Variants in DCAF5 observed in about 807,000 individuals in gnomAD.
The protein encoded by DCAF5 is DDB1 and CUL4 associated factor 5, also known as DDB1- and CUL4-associated factor 5.
DCAF5 carries 9 observed loss-of-function variants against 80.7 expected under a neutral mutation model. That is an observed-to-expected ratio of 0.11 (90% CI 0.07 to 0.19). DCAF5 has a LOEUF of 0.19. DCAF5 is among the 10% of genes least tolerant of loss of function. DCAF5 has a pLI of 1.00. For synonymous variants in DCAF5, 433 were observed against 461.9 expected, an observed-to-expected ratio of 0.94 and a Z score of 0.80; for missense variants, 842 against 1,205.7, an observed-to-expected ratio of 0.70 and a Z score of 4.47.
Position 69,081,591 on chromosome 14 carries a change from G to A in DCAF5, c.880-6180C>T, listed in dbSNP as rs548265685. Among the ~76,000 whole-genome samples, 7 of 152,122 alleles carry A rather than the reference G, an allele frequency of 4.6e-5. No homozygotes were observed. The South Asian group carries it at 1.0e-3, about 23-fold the overall frequency. On this transcript the variant is annotated intron_variant, in intron 6 of 8. Coordinates refer to ENST00000341516, the MANE Select transcript of DCAF5 (RefSeq NM_003861.3). Reference sequence around the variant, plus strand: ...TCAGTGTGGAGATACTAACTTGCTCGAGCATAGGAAGAGATCAACAACTCT... The same window carrying A: ...TCAGTGTGGAGATACTAACTTGCTCAAGCATAGGAAGAGATCAACAACTCT...
intron 7 of DCAF5, among the ~76,000 whole-genome samples, chr14:69,071,350 G>A (rs1216718486): frequency 6.6e-6 from 1 of 152,148 alleles, no homozygotes; most frequent in Non-Finnish European, 1.5e-5. Context: ...CTGAGCAGGA[G>A]TGTGCAGAAG....
chr14:69,054,966 G>C lies in DCAF5; in HGVS notation c.1720C>G (p.Leu574Val), dbSNP rs2037900595. ...CAGGTAGAGGCTCGGCGTTCATTCAGCTCCTCCTCATCCTCAGAGCTGCTA... is the reference window on the plus strand; with the variant it reads ...CAGGTAGAGGCTCGGCGTTCATTCACCTCCTCCTCATCCTCAGAGCTGCTA... Reference protein sequence around the residue: ...SSSSSEDEEELNERRASTWQR... With the variant: ...SSSSSEDEEEVNERRASTWQR... Residue 574 changes from leucine (L) to valine (V), a missense_variant, in exon 9 of 9, where the codon CTG (leucine) becomes GTG (valine). Leu to Val is a conservative substitution (Grantham distance 32, BLOSUM62 1). Transcript: ENST00000341516. The C allele has an allele frequency of 6.2e-7, 1 of 1,614,128 alleles. No homozygotes were observed. The highest frequency in any genetic ancestry group is 1.1e-5 in the South Asian group (1 of 91,088).
At chr14:69,126,249 C>G (rs1277625353) in intron 1 of DCAF5, among the ~76,000 whole-genome samples, 1 of 151,418 alleles carries the variant, frequency 6.6e-6, no homozygotes, top group African/African-American at 2.4e-5. Context: ...CCTCTGCCTC[C>G]CGGGTTCAAG....
chr14:69,073,564 G>A (rs1297383807), intron 7 of DCAF5, among the ~76,000 whole-genome samples: 4 of 151,762 alleles, frequency 2.6e-5, no homozygotes, highest in Non-Finnish European at 5.9e-5. Flanking sequence ...AAGGTGGGAC[G>A]ATCACTTAAG....
rs552243777 is a variant in DCAF5, at chr14:69,090,211, C to A, written c.879+1463G>T. The A allele has an allele frequency of 1.2e-4, 75 of 634,616 alleles. No individual in the cohort carries two copies. In the African/African-American group the frequency reaches 1.4e-3, roughly 12 times the overall value. The allele number at this position is 634,616 out of a possible 1,614,324, so 39.3% of individuals were successfully genotyped here. Reference sequence around the variant, plus strand: ...GGAAGAGAGGGAGAGACTTGATTGTCATTTCCACAGCCAGACAAAGCTAAA... The same window carrying A: ...GGAAGAGAGGGAGAGACTTGATTGTAATTTCCACAGCCAGACAAAGCTAAA... On this transcript the variant is annotated intron_variant, in intron 6 of 8. Coordinates refer to ENST00000341516, the MANE Select transcript of DCAF5 (RefSeq NM_003861.3).
In DCAF5 at chr14:69,092,255, A is replaced by C. The variant is rs73278952; in HGVS notation, c.666-368T>G. Among the ~76,000 whole-genome samples the C allele has an allele frequency of 9.1e-3, 1,383 of 152,314 alleles. 22 individuals are homozygous for C. The highest frequency in any genetic ancestry group is 0.032 in the African/African-American group (1,313 of 41,562). ...TGAGAAGTGGGTTGTATCCACTCTA[A>C]CTGGGTAGTCATGGACAGTGTTTAA... On this transcript the variant is annotated intron_variant, in intron 5 of 8. Transcript: ENST00000341516.
intron 5 of DCAF5, among the ~76,000 whole-genome samples, chr14:69,097,513 T>A (rs1203101803): frequency 2.0e-5 from 3 of 151,950 alleles, no homozygotes; most frequent in African/African-American, 7.2e-5. Context: ...CTATTCTATA[T>A]TTTTTATTTA....
chr14:69,093,929 T>C (rs2039612857), intron 5 of DCAF5, among the ~76,000 whole-genome samples: 1 of 152,146 alleles, frequency 6.6e-6, no homozygotes, highest in Non-Finnish European at 1.5e-5. Flanking sequence ...CAGGCCACAC[T>C]CTCTTGCATA....
intron 5 of DCAF5, among the ~76,000 whole-genome samples, chr14:69,104,936 A>G (rs2040085107): frequency 6.6e-6 from 1 of 152,144 alleles, no homozygotes; most frequent in African/African-American, 2.4e-5. Flanking sequence ...TTGCTTTGTA[A>G]GGATTTTGAG....
intron 6 of DCAF5, among the ~76,000 whole-genome samples, chr14:69,077,785 A>T (rs928468713): frequency 6.6e-6 from 1 of 152,232 alleles, no homozygotes; most frequent in African/African-American, 2.4e-5. Flanking sequence ...TAAATTACTA[A>T]ATACTGTGCA....
intron 1 of DCAF5, among the ~76,000 whole-genome samples, chr14:69,141,242 A>G (rs748372685): frequency 2.3e-4 from 35 of 151,456 alleles, no homozygotes; most frequent in Non-Finnish European, 5.9e-5. Context: ...CCCATAGTGA[A>G]TGTGAGGAGC....
Position 69,053,973 on chromosome 14 carries a change from G to C in DCAF5, c.2713C>G (p.Pro905Ala). Residue 905 changes from proline (P) to alanine (A), a missense_variant, in exon 9 of 9, where the codon CCA (proline) becomes GCA (alanine). Physicochemically the swap from Pro to Ala is conservative, Grantham distance 27. Around this residue, in one of 5 missense-constraint regions of DCAF5, gnomAD observed 607 missense variants for 656.6 expected, o/e 0.92. Coordinates refer to ENST00000341516, the MANE Select transcript of DCAF5 (RefSeq NM_003861.3). ...ACAGCCCTGCTACTATCTGTGGCTG[G>C]GGTGTCAGTGGGGTCCTCTCTTGTT... ...AGTREDPTDTPATDSSRAVHG... is the reference protein window; with the variant it reads ...AGTREDPTDTAATDSSRAVHG... The C allele has an allele frequency of 6.2e-7, 1 of 1,612,998 alleles. No homozygotes were observed. Among genetic ancestry groups the C allele is most frequent in the African/African-American group, 1.3e-5 (1 of 75,002 alleles).
chr14:69,113,078 G>A (rs1007354825), intron 5 of DCAF5, among the ~76,000 whole-genome samples: 11 of 152,048 alleles, frequency 7.2e-5, no homozygotes, highest in African/African-American at 2.7e-4. Context: ...GCAGCAGTGG[G>A]ACAAAAATGA....
intron 1 of DCAF5, among the ~76,000 whole-genome samples, chr14:69,133,363 A>G (rs1003624356): frequency 6.6e-6 from 1 of 152,190 alleles, no homozygotes; most frequent in African/African-American, 2.4e-5. Flanking sequence ...TGAAGAATAT[A>G]TCTGTATTTT....
chr14:69,116,973 T>A (rs1310176901), intron 4 of DCAF5, among the ~76,000 whole-genome samples: 1 of 152,096 alleles, frequency 6.6e-6, no homozygotes, highest in Non-Finnish European at 1.5e-5. Flanking sequence ...TGAAACACAA[T>A]GGTGTGGTTT....
chr14:69,053,605 C>A lies in DCAF5; in HGVS notation c.*252G>T. 2.1e-6 allele frequency: 1 copy of A among 471,576 alleles called. No homozygotes were observed. The highest frequency in any genetic ancestry group is 4.0e-5 in the Admixed American group (1 of 24,780). 29.2% of individuals were successfully genotyped at this position (471,576 alleles called of 1,614,324 possible). On this transcript the variant is annotated 3_prime_UTR_variant, in exon 9 of 9. Coordinates refer to ENST00000341516, the MANE Select transcript of DCAF5 (RefSeq NM_003861.3). ...AGCCTTGCGCGGCACACTACGCTCACGTCTCACTAGAAAGGAGTCACTTGG... is the reference window on the plus strand; with the variant it reads ...AGCCTTGCGCGGCACACTACGCTCAAGTCTCACTAGAAAGGAGTCACTTGG...
chr14:69,098,893 CAAAAAAAAAA>C (rs57089112), intron 5 of DCAF5, among the ~76,000 whole-genome samples: 4 of 59,586 alleles, frequency 6.7e-5, no homozygotes, highest in Non-Finnish European at 1.2e-4. Flanking sequence ...ACTCTGTCTC[CAAAAAAAAAA>C]AAAAAAAAAA....
chr14:69,085,641 A>C (rs1434054290), intron 6 of DCAF5, among the ~76,000 whole-genome samples: 2 of 152,220 alleles, frequency 1.3e-5, no homozygotes, highest in African/African-American at 4.8e-5. Context: ...GTGATGATAT[A>C]ATATTTTAAT....
intron 5 of DCAF5, among the ~76,000 whole-genome samples, chr14:69,115,245 C>T (rs531873988): frequency 1.2e-4 from 18 of 152,272 alleles, no homozygotes; most frequent in African/African-American, 2.9e-4. Flanking sequence ...CAGGTGCCTA[C>T]GCAACAGAAG....
Sources: allele counts gnomAD v4.1 joint callset (sites outside exome capture counted in the v4.1 genomes callset), GRCh38; gene constraint gnomAD v4.1.1; regional missense constraint gnomAD v4.1.1; transcripts MANE v1.5; gene names NCBI Gene and HGNC (gene_info 2026-07-23, HGNC 2026-07-21).